The following CRPPA variants were observed in gnomAD, a reference collection of about 807,000 sequenced individuals.
The protein encoded by CRPPA is D-ribitol-5-phosphate cytidylyltransferase.
Under a neutral mutation model 52.0 loss-of-function variants are expected in CRPPA, and 43 were observed. That is an observed-to-expected ratio of 0.83 (90% CI 0.65 to 1.07). The LOEUF (loss-of-function observed/expected upper bound fraction) is 1.07. CRPPA is among the 50% of genes least tolerant of loss of function. The probability of loss-of-function intolerance (pLI) is 0.00; values close to 1 mark genes in which losing one functional copy is unlikely to be tolerated. For missense variants in CRPPA, 629 were observed against 551.7 expected, an observed-to-expected ratio of 1.14 and a Z score of -1.40; for synonymous variants, 250 against 203.5, an observed-to-expected ratio of 1.23 and a Z score of -1.94.
intron 5 of CRPPA, among the ~76,000 whole-genome samples, chr7:16,279,519 A>G (rs1397621422): frequency 6.6e-6 from 1 of 152,204 alleles, no homozygotes. Context: ...AAAAAAATAA[A>G]TCTGTAATTC....
intron 2 of CRPPA, among the ~76,000 whole-genome samples, chr7:16,383,278 G>T (rs531423066): frequency 2.0e-5 from 3 of 152,214 alleles, no homozygotes; most frequent in Non-Finnish European, 2.9e-5. Flanking sequence ...GTTTGCCTGG[G>T]TATCAGCAGC....
chr7:16,207,138 T>G (rs547487688), intron 9 of CRPPA, among the ~76,000 whole-genome samples: 2 of 152,278 alleles, frequency 1.3e-5, no homozygotes, highest in Non-Finnish European at 2.9e-5. Flanking sequence ...CAAACTATTC[T>G]CTTTACTGAG....
intron 3 of CRPPA, among the ~76,000 whole-genome samples, chr7:16,323,931 G>C (rs1445526877): frequency 6.6e-6 from 1 of 152,094 alleles, no homozygotes; most frequent in African/African-American, 2.4e-5. Flanking sequence ...TAAAACTGTA[G>C]AGAAAAGCAA....
At chr7:16,167,224 C>G (rs1032411725) in intron 9 of CRPPA, among the ~76,000 whole-genome samples, 1 of 152,194 alleles carries the variant, frequency 6.6e-6, no homozygotes, top group Admixed American at 6.5e-5. Context: ...CCGCGCCCAG[C>G]CTTTCCAAGC....
intron 3 of CRPPA, among the ~76,000 whole-genome samples, chr7:16,370,651 A>G (rs1429519373): frequency 1.3e-5 from 2 of 152,144 alleles, no homozygotes; most frequent in African/African-American, 4.8e-5. Flanking sequence ...GCTGGTGGGA[A>G]GTTTCTTACA....
At chr7:16,259,591 G>A (rs116903926) in intron 6 of CRPPA, among the ~76,000 whole-genome samples, 4,027 of 152,002 alleles carry the variant, frequency 0.026, 88 homozygotes, top group Middle Eastern at 0.041. Flanking sequence ...CACATATTAT[G>A]CAAACTTTCC....
chr7:16,153,476 C>T (rs1783117028), intron 9 of CRPPA, among the ~76,000 whole-genome samples: 1 of 151,908 alleles, frequency 6.6e-6, no homozygotes, highest in South Asian at 2.1e-4. Flanking sequence ...GGCTTGCTTC[C>T]CTAGTTTAAA....
intron 9 of CRPPA, among the ~76,000 whole-genome samples, chr7:16,144,712 G>A (rs978992795): frequency 5.3e-5 from 8 of 152,174 alleles, no homozygotes; most frequent in Non-Finnish European, 1.2e-4. Context: ...CCAAGCCTTT[G>A]TCATTAAATC....
intron 3 of CRPPA, among the ~76,000 whole-genome samples, chr7:16,320,516 C>A (rs989599934): frequency 6.6e-6 from 1 of 152,114 alleles, no homozygotes; most frequent in Non-Finnish European, 1.5e-5. Context: ...ATCTGATTAC[C>A]TATCCTTCCA....
intron 3 of CRPPA, among the ~76,000 whole-genome samples, chr7:16,308,850 T>C (rs1784973986): frequency 6.6e-6 from 1 of 152,188 alleles, no homozygotes; most frequent in South Asian, 2.1e-4. Flanking sequence ...TGAATAGGAA[T>C]AGTGCAATCA....
At chr7:16,236,098 A>T (rs1270903109) in intron 8 of CRPPA, 2 of 152,098 alleles carry the variant, frequency 1.3e-5, no homozygotes, top group African/African-American at 4.8e-5. Context: ...TCTCATATCA[A>T]TGGTAAGAGC....
intron 9 of CRPPA, among the ~76,000 whole-genome samples, chr7:16,190,678 C>A (rs150801290): frequency 1.8e-4 from 28 of 151,928 alleles, no homozygotes; most frequent in African/African-American, 6.8e-4. Context: ...TGAGTAAGTT[C>A]TTTAGCGGTG....
chr7:16,104,450 A>T (rs143934518), intron 9 of CRPPA, among the ~76,000 whole-genome samples: 29 of 152,340 alleles, frequency 1.9e-4, no homozygotes, highest in African/African-American at 6.3e-4. Flanking sequence ...CTCTGAAATG[A>T]TGCTTTTGAG....
chr7:16,308,893 C>T (rs1039946288), intron 3 of CRPPA, among the ~76,000 whole-genome samples: 5 of 151,176 alleles, frequency 3.3e-5, no homozygotes, highest in African/African-American at 7.3e-5. Flanking sequence ...TAGTTCTAGG[C>T]GTAAAAAAAT....
intron 9 of CRPPA, among the ~76,000 whole-genome samples, chr7:16,138,419 C>G (rs1279340974): frequency 6.6e-6 from 1 of 152,132 alleles, no homozygotes; most frequent in Non-Finnish European, 1.5e-5. Context: ...CCTTCAAAAA[C>G]TGTATACCAA....
At chr7:16,352,879 G>GCACACACACACACA (rs56733439) in intron 3 of CRPPA, among the ~76,000 whole-genome samples, 6 of 142,312 alleles carry the variant, frequency 4.2e-5, no homozygotes, top group African/African-American at 1.6e-4. Context: ...AAGTAACATG[G>GCACACACACACACA]CACACACACA....
intron 3 of CRPPA, among the ~76,000 whole-genome samples, chr7:16,336,901 A>G (rs1294296813): frequency 1.3e-5 from 2 of 152,170 alleles, no homozygotes; most frequent in African/African-American, 4.8e-5. Context: ...AGGTCATTCT[A>G]TATTAATAAA....
intron 5 of CRPPA, among the ~76,000 whole-genome samples, 176 bp from the exon 6 acceptor site, chr7:16,278,402 C>G (rs1035785237): frequency 6.6e-6 from 1 of 152,166 alleles, no homozygotes; most frequent in Non-Finnish European, 1.5e-5. Flanking sequence ...ATTCAGTTTA[C>G]TACCCAAGTC....
At chr7:16,254,842 AAAG>A (rs1783587471) in intron 8 of CRPPA, among the ~76,000 whole-genome samples, 3 of 151,116 alleles carry the variant, frequency 2.0e-5, no homozygotes, top group Non-Finnish European at 4.4e-5. Flanking sequence ...AGAAAGAAAG[AAAG>A]AGAAAGAAGA....
Sources: allele counts gnomAD v4.1 joint callset (sites outside exome capture counted in the v4.1 genomes callset), GRCh38; gene constraint gnomAD v4.1.1; transcripts MANE v1.5; gene names NCBI Gene and HGNC (gene_info 2026-07-23, HGNC 2026-07-21).